The following SHOC1 variants were observed in gnomAD, a reference collection of about 807,000 sequenced individuals.
The protein encoded by SHOC1 is shortage in chiasmata 1.
Under a neutral mutation model 179.2 loss-of-function variants are expected in SHOC1, and 136 were observed. That is an observed-to-expected ratio of 0.76 (90% CI 0.66 to 0.87). The LOEUF (loss-of-function observed/expected upper bound fraction) is 0.87. SHOC1 is among the 40% of genes least tolerant of loss of function. The pLI, the probability that SHOC1 is intolerant of heterozygous loss-of-function variation, is 0.00. For missense variants in SHOC1, 1,538 were observed against 1,700.8 expected (o/e 0.90, Z 1.68); for synonymous variants, 489 against 586.6 (o/e 0.83, Z 2.41).
intron 22 of SHOC1, 40 bp from the exon 23 acceptor site, chr9:111,702,266 G>T: frequency 1.6e-6 from 2 of 1,226,488 alleles, no homozygotes; most frequent in South Asian, 1.3e-5. Context: ...TCATTAGGTT[G>T]AACAGTTATT....
At position 111,699,387 on chromosome 9, in the gene SHOC1, CA is replaced by C. The variant is rs1479377138; in HGVS notation, c.3183+566del. On this transcript the variant is annotated intron_variant, in intron 24 of 27. Transcript: ENST00000682961. ...AGATTCCCAGTAGTCTGCTAGAATACAGGTGCAGACCTTAAGAAATGTCAGG... is the reference window on the plus strand; with the variant it reads ...AGATTCCCAGTAGTCTGCTAGAATACGGTGCAGACCTTAAGAAATGTCAGG... Among the ~76,000 whole-genome samples the C allele has an allele frequency of 5.9e-5, 9 of 152,288 alleles. No individual in the cohort carries two copies. In the East Asian group the frequency reaches 1.7e-3, roughly 29 times the overall value.
intron 5 of SHOC1, among the ~76,000 whole-genome samples, chr9:111,760,461 C>T (rs10121442): frequency 0.055 from 8,414 of 151,906 alleles, 559 homozygotes; most frequent in African/African-American, 0.16. Flanking sequence ...AAAATTTTGG[C>T]TAGTTAACTA....
At chr9:111,695,741 A>C (rs1831659781) in intron 24 of SHOC1, among the ~76,000 whole-genome samples, 1 of 152,212 alleles carries the variant, frequency 6.6e-6, no homozygotes, top group Non-Finnish European at 1.5e-5. Context: ...TGTTAACATC[A>C]CGAGTAGGAA....
At chr9:111,734,606 C>T (rs138640140) in intron 12 of SHOC1, among the ~76,000 whole-genome samples, 11 of 152,062 alleles carry the variant, frequency 7.2e-5, no homozygotes, top group African/African-American at 2.7e-4. Context: ...AGTAAGAAAG[C>T]AGATTTTCTT....
chr9:111,746,237 T>G lies in SHOC1; in HGVS notation c.1076A>C (p.Lys359Thr). 1 of 1,579,604 alleles carries G rather than the reference T, an allele frequency of 6.3e-7. No individual in the cohort carries two copies. The highest frequency in any genetic ancestry group is 1.7e-5 in the Admixed American group (1 of 59,912). The stretch of plus-strand genomic sequence containing the variant: ...TCTAGATATAATCTTTACTTACATT[T>G]TACAAACCGGAGATAATGGAAATGT... ...LQTFPLSPVC[K>T]INLLTAEESA... Residue 359 changes from lysine (K) to threonine (T), a missense_variant, in exon 10 of 28, where the codon AAA becomes ACA. Physicochemically the swap from Lys to Thr is moderately conservative, Grantham distance 78 (BLOSUM62 -1). Coordinates refer to ENST00000682961, the MANE Select transcript of SHOC1 (RefSeq NM_001378211.1).
chr9:111,753,175 G>C (rs1342170048), intron 8 of SHOC1, among the ~76,000 whole-genome samples: 1 of 152,088 alleles, frequency 6.6e-6, no homozygotes, highest in African/African-American at 2.4e-5. Context: ...TGGTAATCAA[G>C]AACTACTCAC....
chr9:111,779,100 A>G (rs78622495), intron 4 of SHOC1, among the ~76,000 whole-genome samples: 1 of 85,842 alleles, frequency 1.2e-5, no homozygotes, highest in Non-Finnish European at 2.3e-5. Flanking sequence ...CTCTGTGTCA[A>G]AAAAAAAAAA....
At chr9:111,712,448 C>T (rs34046849) in intron 18 of SHOC1, among the ~76,000 whole-genome samples, 8,657 of 151,988 alleles carry the variant, frequency 0.057, 618 homozygotes, top group African/African-American at 0.17. Context: ...CATCTCTATG[C>T]GGTATATATG....
At position 111,690,896 on chromosome 9, in the gene SHOC1, C is replaced by T. The variant is rs532439755; in HGVS notation, c.4426+655G>A. Reference sequence around the variant, plus strand: ...TGAAACTTAAGCTTCCCCCCGCCCTCCCCTTTTTCTCCTATCCTGGGGAAG... The same window carrying T: ...TGAAACTTAAGCTTCCCCCCGCCCTTCCCTTTTTCTCCTATCCTGGGGAAG... On this transcript the variant is annotated intron_variant, in intron 27 of 27. Coordinates refer to ENST00000682961, the MANE Select transcript of SHOC1 (RefSeq NM_001378211.1). 1.4e-4 allele frequency among the ~76,000 whole-genome samples: 21 copies of T among 152,318 alleles called. No individual in the cohort carries two copies. The South Asian group carries it at 4.1e-3, about 30-fold the overall frequency.
rs1356195952 is a variant in SHOC1 at position 111,727,943 on chromosome 9, T to A, written c.1524A>T (p.Glu508Asp). ...LPQKSPSLAKEVPDLCFSDDY... is the reference protein window; with the variant it reads ...LPQKSPSLAKDVPDLCFSDDY... ...CATCAGAAAAACATAGATCTGGTAC[T>A]TCTTTTGCCAGAGATGGACTCTTTT... is the stretch of plus-strand genomic sequence containing the variant. The change falls in exon 13 of 28, where the codon GAA becomes GAT. Residue 508 changes from glutamate (E) to aspartate (D), a missense_variant. By Grantham distance (45) the Glu-to-Asp change is conservative (BLOSUM62 2). Transcript: ENST00000682961. 1.2e-6 allele frequency: 2 copies of A among 1,613,288 alleles called. No homozygotes were observed. The highest frequency in any genetic ancestry group is 1.7e-6 in the Non-Finnish European group (2 of 1,179,704).
chr9:111,737,464 C>T (rs530113848), intron 12 of SHOC1, among the ~76,000 whole-genome samples: 182 of 152,148 alleles, frequency 1.2e-3, no homozygotes, highest in African/African-American at 2.2e-4. Flanking sequence ...GTCAGGAGTT[C>T]GAGACCAGCC....
chr9:111,790,568 G>A (rs1004976604), intron 2 of SHOC1, among the ~76,000 whole-genome samples: 5 of 150,920 alleles, frequency 3.3e-5, no homozygotes, highest in Non-Finnish European at 7.4e-5. Flanking sequence ...TTTTTGAGAC[G>A]GAGTCTCACT....
At chr9:111,768,805 A>C (rs1188224583) in intron 5 of SHOC1, among the ~76,000 whole-genome samples, 2 of 152,184 alleles carry the variant, frequency 1.3e-5, no homozygotes, top group Non-Finnish European at 2.9e-5. Context: ...ATGTTGAATA[A>C]AAGTGCTGAA....
chr9:111,729,276 A>T (rs1381166726), intron 12 of SHOC1, among the ~76,000 whole-genome samples: 4 of 119,138 alleles, frequency 3.4e-5, no homozygotes, highest in Non-Finnish European at 7.8e-5. Flanking sequence ...TTTTATTTTT[A>T]TTTTTATTTT....
intron 17 of SHOC1, 104 bp from the exon 18 acceptor site, chr9:111,713,276 T>C (rs1832634714): frequency 1.7e-6 from 1 of 588,864 alleles, no homozygotes; most frequent in Non-Finnish European, 3.0e-6. Flanking sequence ...ATGAAACTAA[T>C]GACAATAAGA....
rs1342063499 is a variant in SHOC1, at chr9:111,727,673, G to T, written c.1794C>A (p.Cys598Ter). ...TGTTTGTGACTTCAGTCTTTGAGGT[G>T]CAAGTCTTATATTTATTTCGCAGCA... ...FIMLRNKYKT[C>*]TSKTEVTNSD... The change falls in exon 13 of 28, where the codon TGC (cysteine) becomes TGA (stop). Residue 598 changes from cysteine to a stop codon, truncating the protein, a stop_gained. Transcript: ENST00000682961. LOFTEE classifies it high-confidence loss of function. The T allele has an allele frequency of 6.3e-7, 1 of 1,598,954 alleles. No homozygotes were observed. The highest frequency in any genetic ancestry group is 1.4e-5 in the African/African-American group (1 of 73,944).
chr9:111,740,759 A>G (rs1218930705), intron 11 of SHOC1, among the ~76,000 whole-genome samples: 1 of 152,016 alleles, frequency 6.6e-6, no homozygotes, highest in East Asian at 1.9e-4. Flanking sequence ...TTTAGTAGAG[A>G]GGGGGTTTCA....
Position 111,726,328 on chromosome 9 carries a change from C to T in SHOC1, c.1834+1305G>A, listed in dbSNP as rs1157191560. 2.0e-5 allele frequency among the ~76,000 whole-genome samples: 3 copies of T among 152,256 alleles called. No individual in the cohort carries two copies. In the East Asian group the frequency reaches 5.8e-4, roughly 29 times the overall value. On this transcript the variant is annotated intron_variant, in intron 13 of 27. Transcript: ENST00000682961. Reference sequence around the variant, plus strand: ...TGCACTGATTGACACAGTAATATTACTTTTTAAAAAAATGACAGCTCACCA... The same window carrying T: ...TGCACTGATTGACACAGTAATATTATTTTTTAAAAAAATGACAGCTCACCA...
intron 21 of SHOC1, among the ~76,000 whole-genome samples, chr9:111,704,795 G>C (rs1247931766): frequency 1.3e-5 from 2 of 152,012 alleles, no homozygotes; most frequent in Non-Finnish European, 2.9e-5. Flanking sequence ...AATTCATTTA[G>C]AACTTCACGG....
Sources: gnomAD v4.1 joint callset for allele counts (sites outside exome capture counted in the v4.1 genomes callset) on GRCh38, gnomAD v4.1.1 for gene constraint, MANE v1.5 for transcripts, NCBI Gene and HGNC (gene_info 2026-07-23, HGNC 2026-07-21) for gene names.